Variants in BMPR2 observed in about 807,000 individuals in gnomAD.
The protein encoded by BMPR2 is bone morphogenetic protein receptor type-2.
In BMPR2, 29 loss-of-function variants were observed where a neutral mutation model predicts 100.8. That is an observed-to-expected ratio of 0.29 (90% confidence interval 0.21 to 0.39). The LOEUF is 0.39. Among genes scored for constraint, BMPR2 ranks in the 10% least tolerant of loss-of-function variants. The pLI, the probability that BMPR2 is intolerant of heterozygous loss-of-function variation, is 1.00. For missense variants in BMPR2, 1,011 were observed against 1,274.5 expected (o/e 0.79, Z 3.15); for synonymous variants, 382 against 442.3 (o/e 0.86, Z 1.71).
chr2:202,398,672 A>G (rs116666518), intron 1 of BMPR2, among the ~76,000 whole-genome samples: 134 of 152,352 alleles, frequency 8.8e-4, no homozygotes, highest in African/African-American at 2.8e-3. Context: ...TAGTAATACT[A>G]TAAGGAGATA....
Position 202,532,552 on chromosome 2 carries a change from C to T in BMPR2, c.1129-33C>T, listed in dbSNP as rs373153818. The stretch of plus-strand genomic sequence containing the variant: ...TCTGTTCTTCAGAATATGCTACGTT[C>T]TCTCTCTAAAAAATATCACTCTAAT... On this transcript the variant is annotated intron_variant, in intron 8 of 12. Coordinates refer to ENST00000374580, the MANE Select transcript of BMPR2 (RefSeq NM_001204.7). This position sits in a 1 kb window ranked among gnomAD's most constrained non-coding sequence, Gnocchi z 4.1. The T allele has an allele frequency of 1.2e-6, 2 of 1,608,930 alleles. No homozygotes were observed. The highest frequency in any genetic ancestry group is 8.5e-7 in the Non-Finnish European group (1 of 1,175,606).
At chr2:202,428,957 A>G (rs560608737) in intron 1 of BMPR2, among the ~76,000 whole-genome samples, 1 of 152,286 alleles carries the variant, frequency 6.6e-6, no homozygotes, top group Non-Finnish European at 1.5e-5. Context: ...ACCTTGTAAG[A>G]AAGATTTTGG....
chr2:202,457,468 AAC>A (rs1298595116), intron 1 of BMPR2, among the ~76,000 whole-genome samples: 5 of 150,916 alleles, frequency 3.3e-5, no homozygotes, highest in Admixed American at 6.6e-5. Flanking sequence ...TGAAAGAAGA[AAC>A]AGAAAAATGA....
chr2:202,380,189 C>T (rs1236468023), intron 1 of BMPR2, among the ~76,000 whole-genome samples: 3 of 114,584 alleles, frequency 2.6e-5, no homozygotes, highest in South Asian at 5.4e-4. Flanking sequence ...ATTTTCTATG[C>T]CCCCCCCAAA....
chr2:202,523,674 C>T (rs1187983980), intron 7 of BMPR2, among the ~76,000 whole-genome samples: 2 of 151,974 alleles, frequency 1.3e-5, no homozygotes, highest in African/African-American at 2.4e-5. Flanking sequence ...GGTGGTGGTG[C>T]ATGCCTGTAA....
intron 9 of BMPR2, among the ~76,000 whole-genome samples, chr2:202,536,610 C>T (rs1006304538): frequency 8.6e-5 from 13 of 152,018 alleles, no homozygotes; most frequent in Admixed American, 6.5e-4. Context: ...CGGTGGCTCA[C>T]GCCTGTAATC....
intron 9 of BMPR2, among the ~76,000 whole-genome samples, chr2:202,538,793 CAAAAAAAAAAA>C (rs34853164): frequency 8.3e-5 from 5 of 60,326 alleles, no homozygotes; most frequent in African/African-American, 3.2e-4. Context: ...GACTCTGTCT[CAAAAAAAAAAA>C]AAAAAAAAAA....
At chr2:202,432,089 A>G (rs1298192832) in intron 1 of BMPR2, among the ~76,000 whole-genome samples, 2 of 150,690 alleles carry the variant, frequency 1.3e-5, no homozygotes, top group African/African-American at 5.0e-5. Context: ...AGTTATGTAG[A>G]ATAACTAGTA....
chr2:202,491,446 T>C (rs375320754), intron 3 of BMPR2, among the ~76,000 whole-genome samples: 1 of 151,874 alleles, frequency 6.6e-6, no homozygotes, highest in Non-Finnish European at 1.5e-5. Context: ...TTTTTTGAGA[T>C]GGAGTTTCAC....
At chr2:202,378,603 G>C (rs1280977612) in intron 1 of BMPR2, among the ~76,000 whole-genome samples, 2 of 152,112 alleles carry the variant, frequency 1.3e-5, no homozygotes, top group South Asian at 2.1e-4. Flanking sequence ...AAGAAAATTT[G>C]AAGTTTCCTT....
intron 1 of BMPR2, among the ~76,000 whole-genome samples, chr2:202,431,621 A>G (rs1212102660): frequency 6.6e-6 from 1 of 150,562 alleles, no homozygotes; most frequent in East Asian, 1.9e-4. Context: ...TTCTGTGTTT[A>G]GATACATAAA....
At chr2:202,527,793 C>CA (rs943116967) in intron 7 of BMPR2, among the ~76,000 whole-genome samples, 29 of 148,760 alleles carry the variant, frequency 1.9e-4, no homozygotes, top group Admixed American at 3.4e-4. Flanking sequence ...GACTCCATCT[C>CA]AAAAAAAAAT....
chr2:202,383,856 A>G (rs930133588), intron 1 of BMPR2, among the ~76,000 whole-genome samples: 4 of 151,598 alleles, frequency 2.6e-5, no homozygotes, highest in Non-Finnish European at 5.9e-5. Flanking sequence ...ATCTCAAAAA[A>G]AAAAAAATTA....
At position 202,560,015 on chromosome 2, in the gene BMPR2, TAAAA is replaced by T; in HGVS notation, c.*76_*79del. 1 of 1,451,906 alleles carries T rather than the reference TAAAA, an allele frequency of 6.9e-7. No individual in the cohort carries two copies. Among genetic ancestry groups the T allele is most frequent in the Non-Finnish European group, 9.3e-7 (1 of 1,073,924 alleles). The allele number at this position is 1,451,906 out of a possible 1,614,324, so 89.9% of individuals were successfully genotyped here. On this transcript the variant is annotated 3_prime_UTR_variant, in exon 13 of 13. Transcript: ENST00000374580. ...TAAACATGCAGAAGATGTTTAAAAA[TAAAA>T]AAAAAACTGCTTTATCCTCCTGTCA...
chr2:202,558,397 C>T (rs958158204), intron 12 of BMPR2, among the ~76,000 whole-genome samples: 2 of 152,064 alleles, frequency 1.3e-5, no homozygotes, highest in Non-Finnish European at 2.9e-5. Flanking sequence ...CAGGCGTGAA[C>T]CACTGCGCCC....
At chr2:202,445,817 C>G (rs1691837871) in intron 1 of BMPR2, among the ~76,000 whole-genome samples, 1 of 146,714 alleles carries the variant, frequency 6.8e-6, no homozygotes, top group Admixed American at 6.7e-5. Context: ...CTCTGTCGCC[C>G]AGGCTGGAGT....
chr2:202,557,041 A>G (rs938178040), intron 12 of BMPR2, among the ~76,000 whole-genome samples: 3 of 150,016 alleles, frequency 2.0e-5, no homozygotes, highest in Non-Finnish European at 4.4e-5. Flanking sequence ...AATAAAATAA[A>G]CCATTTGGGC....
chr2:202,392,721 G>A (rs1430923280), intron 1 of BMPR2, among the ~76,000 whole-genome samples: 2 of 151,610 alleles, frequency 1.3e-5, no homozygotes, highest in South Asian at 2.1e-4. Flanking sequence ...GGCCGGGCGC[G>A]GTGGCTCACG....
chr2:202,504,092 T>G (rs1472247754), intron 3 of BMPR2, among the ~76,000 whole-genome samples: 1 of 152,046 alleles, frequency 6.6e-6, no homozygotes. Context: ...TCAGGGATTG[T>G]AAACGCACCA....
Sources: allele counts gnomAD v4.1 joint callset (sites outside exome capture counted in the v4.1 genomes callset), GRCh38; gene constraint gnomAD v4.1.1; non-coding constraint Gnocchi (gnomAD v3.1); transcripts MANE v1.5; gene names NCBI Gene and HGNC (gene_info 2026-07-23, HGNC 2026-07-21).